Variants in OPN4 observed in about 807,000 individuals in gnomAD.
OPN4 encodes melanopsin.
In OPN4, 43 loss-of-function variants were observed where a neutral mutation model predicts 49.5. The ratio of observed to expected loss-of-function variants is 0.87; its 90% confidence interval spans 0.68 to 1.12. The LOEUF is 1.12. Among genes scored for constraint, OPN4 ranks in the 50% most tolerant of loss-of-function variants. The probability of loss-of-function intolerance (pLI) is 0.00; values close to 1 mark genes in which losing one functional copy is unlikely to be tolerated. For missense variants in OPN4, 657 were observed against 643.9 expected (o/e 1.02, Z -0.22); for synonymous variants, 263 against 258.0 (o/e 1.02, Z -0.19).
rs151123640 is a variant in OPN4 at position 86,658,606 on chromosome 10, T to G, written c.547T>G (p.Ser183Ala). The G allele has an allele frequency of 6.2e-7, 1 of 1,614,158 alleles. No homozygotes were observed. The highest frequency in any genetic ancestry group is 8.5e-7 in the Non-Finnish European group (1 of 1,180,034). The change falls in exon 4 of 10, where the codon TCC becomes GCC. Residue 183 changes from serine to alanine, a missense_variant. Coordinates refer to ENST00000241891, the MANE Select transcript of OPN4 (RefSeq NM_033282.4). ...TRPLATFGVA[S>A]KRRAAFVLLG... is the part of the protein sequence containing the mutation. Reference sequence around the variant, plus strand: ...CCCGCTGGCCACCTTTGGTGTGGCGTCCAAGAGGCGTGCGGCATTTGTCCT... The same window carrying G: ...CCCGCTGGCCACCTTTGGTGTGGCGGCCAAGAGGCGTGCGGCATTTGTCCT...
chr10:86,656,349 G>A, intron 2 of OPN4, 49 bp downstream of exon 2: 1 of 1,543,946 alleles, frequency 6.5e-7, no homozygotes, highest in South Asian at 1.3e-5. Flanking sequence ...TGGCAGCCAT[G>A]CAGACAGGGA....
intron 6 of OPN4, among the ~76,000 whole-genome samples, chr10:86,660,360 G>T (rs1445327983): frequency 1.8e-4 from 27 of 152,186 alleles, no homozygotes; most frequent in Admixed American, 1.8e-3. Context: ...CTCCCTCTCT[G>T]CATGGGCTGT....
chr10:86,656,437 C>A, intron 2 of OPN4, 137 bp downstream of exon 2: 1 of 1,128,446 alleles, frequency 8.9e-7, no homozygotes, highest in Non-Finnish European at 1.3e-6. Flanking sequence ...CAGGGCCATG[C>A]CTTCGATGAT....
chr10:86,662,481 A>C, intron 8 of OPN4, 49 bp downstream of exon 8: 3 of 1,516,294 alleles, frequency 2.0e-6, no homozygotes, highest in Non-Finnish European at 2.7e-6. Context: ...TCCCTTCCTC[A>C]GGCAGCCCTG....
At chr10:86,661,770 A>G (rs1039911437) in intron 7 of OPN4, among the ~76,000 whole-genome samples, 1 of 142,860 alleles carries the variant, frequency 7.0e-6, no homozygotes. Context: ...AGGGCCTGGC[A>G]GGAGCCTGGG....
At chr10:86,661,477 T>C in intron 7 of OPN4, 89 bp downstream of exon 7, 1 of 953,198 alleles carries the variant, frequency 1.0e-6, no homozygotes, top group Non-Finnish European at 1.6e-6. Flanking sequence ...CTGTCTCTCG[T>C]GTGTGTGTAG....
In OPN4 at chr10:86,654,642, G is replaced by A. The variant is rs138991575; in HGVS notation, c.-142G>A. Reference sequence around the variant, plus strand: ...AGCAGCTCCAGGCTGGATCTGCGCCGGACACAGGAGAAAGCAGCGGGTAGG... The same window carrying A: ...AGCAGCTCCAGGCTGGATCTGCGCCAGACACAGGAGAAAGCAGCGGGTAGG... On this transcript the variant is annotated 5_prime_UTR_variant, in exon 1 of 10. Transcript: ENST00000241891. 102 of 1,226,150 alleles carry A rather than the reference G, an allele frequency of 8.3e-5. No homozygotes were observed. In the East Asian group the frequency reaches 1.4e-3, roughly 17 times the overall value. The allele number at this position is 1,226,150 out of a possible 1,614,324, so 76.0% of individuals were successfully genotyped here. A position where few individuals can be genotyped will look rare whatever the true frequency, so the allele number is the denominator to read the frequency against.
Position 86,662,255 on chromosome 10 carries a change from G to A in OPN4, c.1077G>A (p.Val359=). The A allele has an allele frequency of 1.2e-6, 2 of 1,609,088 alleles. No individual in the cohort carries two copies. Among genetic ancestry groups the A allele is most frequent in the Non-Finnish European group, 1.7e-6 (2 of 1,179,352 alleles). Residue 359 remains valine, a synonymous_variant, in exon 8 of 10, where the codon GTG becomes GTA. Coordinates refer to ENST00000241891, the MANE Select transcript of OPN4 (RefSeq NM_033282.4). ...IYAITHPKYR[V]AIAQHLPCLG... ...ATCAGATGTGCGGCCCCTGCAGGGT[G>A]GCCATTGCCCAGCACCTGCCCTGCC...
rs757943875 is a variant in OPN4 at position 86,662,374 on chromosome 10, A to G, written c.1196A>G (p.Asn399Ser). Residue 399 changes from asparagine (N) to serine (S), a missense_variant, in exon 8 of 10, where the codon AAC (asparagine) becomes AGC (serine). Asn to Ser is a conservative substitution (Grantham distance 46). Coordinates refer to ENST00000241891, the MANE Select transcript of OPN4 (RefSeq NM_033282.4). ...TCCACGCTGACCAGCCACACCTCCA[A>G]CCTCAGCTGGATCTCCATACGGAGG... ...HRSTLTSHTS[N>S]LSWISIRRRQ... 7 of 1,579,988 alleles carry G rather than the reference A, an allele frequency of 4.4e-6. No homozygotes were observed. The highest frequency in any genetic ancestry group is 6.0e-6 in the Non-Finnish European group (7 of 1,164,016).
At chr10:86,655,290 C>T (rs889422790) in intron 1 of OPN4, among the ~76,000 whole-genome samples, 1 of 152,174 alleles carries the variant, frequency 6.6e-6, no homozygotes, top group African/African-American at 2.4e-5. Context: ...CTGCCAAGCC[C>T]ACAGTGAAGC....
At chr10:86,657,407 C>T (rs567250740) in intron 2 of OPN4, among the ~76,000 whole-genome samples, 2 of 152,290 alleles carry the variant, frequency 1.3e-5, no homozygotes, top group East Asian at 1.9e-4. Context: ...GTGCCTGGCC[C>T]GGCCGTGGTG....
chr10:86,656,652 G>A (rs1357623324), intron 2 of OPN4, among the ~76,000 whole-genome samples: 2 of 152,112 alleles, frequency 1.3e-5, no homozygotes, highest in African/African-American at 4.8e-5. Flanking sequence ...CTGCGTTGAA[G>A]AGCAGCTCTA....
Position 86,658,485 on chromosome 10 carries a change from C to A in OPN4, c.426C>A (p.Gly142=). The A allele has an allele frequency of 6.2e-7, 1 of 1,614,106 alleles. No homozygotes were observed. The highest frequency in any genetic ancestry group is 2.2e-5 in the East Asian group (1 of 44,878). The change falls in exon 4 of 10, where the codon GGC becomes GGA. Residue 142 remains glycine, a splice_region_variant and synonymous_variant. Transcript: ENST00000241891. ...TCAGAGCAGGGGCTGTGCCCACAGGCTGCGAGTTCTATGCCTTCTGTGGAG... is the reference window on the plus strand; with the variant it reads ...TCAGAGCAGGGGCTGTGCCCACAGGATGCGAGTTCTATGCCTTCTGTGGAG... ...LYKQWLFGET[G]CEFYAFCGAL...
At chr10:86,663,274 C>G (rs1359553307) in intron 8 of OPN4, among the ~76,000 whole-genome samples, 1 of 152,192 alleles carries the variant, frequency 6.6e-6, no homozygotes, top group Non-Finnish European at 1.5e-5. Context: ...CTGGGGTTCT[C>G]GGTTGAGGGA....
intron 8 of OPN4, 114 bp from the exon 9 acceptor site, chr10:86,663,545 C>A: frequency 2.0e-6 from 2 of 977,476 alleles, no homozygotes; most frequent in Non-Finnish European, 2.8e-6. Flanking sequence ...GTGTCAGGGG[C>A]CTCCCGCAAT....
rs1024024309 is a variant in OPN4 at position 86,654,604 on chromosome 10, C to T, written c.-180C>T. 35 of 770,742 alleles carry T rather than the reference C, an allele frequency of 4.5e-5. No individual in the cohort carries two copies. The highest frequency in any genetic ancestry group is 6.7e-5 in the Non-Finnish European group (33 of 493,566). The allele number at this position is 770,742 out of a possible 1,614,324, so 47.7% of individuals were successfully genotyped here. A position where few individuals can be genotyped will look rare whatever the true frequency, so the allele number is the denominator to read the frequency against. On this transcript the variant is annotated 5_prime_UTR_variant, in exon 1 of 10. Transcript: ENST00000241891. ...TGCGCTTCACCAGACACAGAGCAAC[C>T]GCCAGCCCCAAGAGCAGCTCCAGGC...
chr10:86,661,218 C>G, intron 6 of OPN4, 63 bp from the exon 7 acceptor site: 2 of 1,365,140 alleles, frequency 1.5e-6, no homozygotes, highest in South Asian at 2.3e-5. Flanking sequence ...CAGGGCCTGG[C>G]CCAGAAGAGA....
chr10:86,663,010 C>T (rs968142513), intron 8 of OPN4, among the ~76,000 whole-genome samples: 2 of 152,258 alleles, frequency 1.3e-5, no homozygotes, highest in South Asian at 2.1e-4. Context: ...CTCAGATCAA[C>T]GCTGTCCAGG....
chr10:86,656,115 A>G, intron 1 of OPN4, 40 bp from the exon 2 acceptor site: 1 of 1,613,664 alleles, frequency 6.2e-7, no homozygotes, highest in South Asian at 1.1e-5. Flanking sequence ...GAAGGTGACA[A>G]GCGATAACAT....
Sources: gnomAD v4.1 joint callset for allele counts (sites outside exome capture counted in the v4.1 genomes callset) on GRCh38, gnomAD v4.1.1 for gene constraint, MANE v1.5 for transcripts, NCBI Gene and HGNC (gene_info 2026-07-23, HGNC 2026-07-21) for gene names.